Variants in ADAM18 observed in about 807,000 individuals in gnomAD.
ADAM18 encodes the protein disintegrin and metalloproteinase domain-containing protein 18.
Under a neutral mutation model 94.4 loss-of-function variants are expected in ADAM18, and 117 were observed. The observed-to-expected ratio is 1.24, with a 90% confidence interval of 1.07 to 1.45. The LOEUF (loss-of-function observed/expected upper bound fraction) is 1.45, where lower values mean the gene tolerates loss of function less well. ADAM18 is among the 40% of genes most tolerant of loss of function. The probability of loss-of-function intolerance (pLI) is 0.00; values close to 1 mark genes in which losing one functional copy is unlikely to be tolerated. For missense variants in ADAM18, 936 were observed against 880.0 expected (o/e 1.06, Z -0.81); for synonymous variants, 327 against 291.6 (o/e 1.12, Z -1.24).
At chr8:39,622,265 T>C (rs888076593) in intron 6 of ADAM18, among the ~76,000 whole-genome samples, 6 of 149,656 alleles carry the variant, frequency 4.0e-5, no homozygotes, top group African/African-American at 1.5e-4. Context: ...AGTAAAATTA[T>C]ATGTAATATA....
intron 19 of ADAM18, 99 bp downstream of exon 19, chr8:39,724,006 A>G: frequency 1.3e-6 from 1 of 767,328 alleles, no homozygotes; most frequent in Non-Finnish European, 1.8e-6. Context: ...ATTCTTAAAT[A>G]TACTATTTTA....
At chr8:39,715,272 A>G (rs769745191) in intron 18 of ADAM18, among the ~76,000 whole-genome samples, 3 of 152,060 alleles carry the variant, frequency 2.0e-5, no homozygotes, top group Non-Finnish European at 4.4e-5. Flanking sequence ...ATAATTTTGA[A>G]CTAAATAAAA....
chr8:39,652,163 A>G (rs1418167283), intron 12 of ADAM18, among the ~76,000 whole-genome samples: 1 of 152,172 alleles, frequency 6.6e-6, no homozygotes, highest in Non-Finnish European at 1.5e-5. Flanking sequence ...ATATGACACC[A>G]AAAACACAGA....
chr8:39,676,963 G>A (rs953480107), intron 14 of ADAM18, among the ~76,000 whole-genome samples: 1 of 152,184 alleles, frequency 6.6e-6, no homozygotes, highest in East Asian at 1.9e-4. Flanking sequence ...CAATCCATCA[G>A]TGATTTTATA....
At chr8:39,693,875 A>G (rs756510064) in intron 17 of ADAM18, among the ~76,000 whole-genome samples, 3 of 151,350 alleles carry the variant, frequency 2.0e-5, no homozygotes, top group Non-Finnish European at 4.5e-5. Flanking sequence ...AAATTTGCAT[A>G]GACTTTCTAA....
In ADAM18 at chr8:39,606,373, A is replaced by AT. The variant is rs532865669; in HGVS notation, c.188+20dup. On this transcript the variant is annotated intron_variant, in intron 3 of 19. Coordinates refer to ENST00000265707, the MANE Select transcript of ADAM18 (RefSeq NM_014237.3). ...ACATCTCGGAAAACAGTAAGATATG[A>AT]TTTTTTTTTCATTAAGGAAAAGGGA... The AT allele has an allele frequency of 6.9e-4, 1,041 of 1,508,324 alleles. No homozygotes were observed. The highest frequency in any genetic ancestry group is 1.3e-3 in the South Asian group (103 of 80,058). 93.4% of individuals were successfully genotyped at this position (1,508,324 alleles called of 1,614,324 possible). A position where few individuals can be genotyped will look rare whatever the true frequency, so the allele number is the denominator to read the frequency against.
At chr8:39,705,025 T>A (rs936426459) in intron 17 of ADAM18, among the ~76,000 whole-genome samples, 2 of 152,140 alleles carry the variant, frequency 1.3e-5, no homozygotes, top group Admixed American at 6.6e-5. Context: ...GCAAAAATGA[T>A]GGTCTTCCAT....
intron 2 of ADAM18, among the ~76,000 whole-genome samples, chr8:39,592,816 C>T (rs1468726375): frequency 1.3e-5 from 2 of 152,152 alleles, no homozygotes; most frequent in African/African-American, 4.8e-5. Context: ...ACGTGTACCC[C>T]TGAATCTAAA....
At chr8:39,667,898 AT>A in intron 13 of ADAM18, 99 bp from the exon 14 acceptor site, 1 of 1,241,578 alleles carries the variant, frequency 8.1e-7, no homozygotes, top group Non-Finnish European at 1.1e-6. Context: ...GTTCCCTCAA[AT>A]ATCAATAATT....
intron 13 of ADAM18, 147 bp from the exon 14 acceptor site, chr8:39,667,850 AT>A (rs894199514): frequency 3.0e-5 from 22 of 724,728 alleles, no homozygotes; most frequent in South Asian, 5.7e-5. Flanking sequence ...ACTGTATTTG[AT>A]TTTTTTTGGC....
At position 39,644,710 on chromosome 8, in the gene ADAM18, G is replaced by A. The variant is rs143291092; in HGVS notation, c.910-628G>A. On this transcript the variant is annotated intron_variant, in intron 10 of 19. Transcript: ENST00000265707. ...CCAGCCCCCTATACGTATACATAAT[G>A]TTGGGTCATTTCCCATACTTTGTAT... 1.2e-4 allele frequency among the ~76,000 whole-genome samples: 18 copies of A among 152,204 alleles called. No homozygotes were observed. The East Asian group carries it at 3.5e-3, about 29-fold the overall frequency.
chr8:39,623,591 T>G (rs1430763720), intron 6 of ADAM18, among the ~76,000 whole-genome samples: 2 of 151,932 alleles, frequency 1.3e-5, no homozygotes, highest in Non-Finnish European at 2.9e-5. Context: ...TTTGTTTTTT[T>G]GTTTTTGTTT....
At chr8:39,660,754 T>C (rs1820812469) in intron 12 of ADAM18, among the ~76,000 whole-genome samples, 3 of 152,224 alleles carry the variant, frequency 2.0e-5, no homozygotes, top group Admixed American at 1.3e-4. Flanking sequence ...ATTCCAGTCC[T>C]GTAATTAGGA....
At chr8:39,684,778 A>G (rs1253648368) in intron 16 of ADAM18, among the ~76,000 whole-genome samples, 1 of 152,218 alleles carries the variant, frequency 6.6e-6, no homozygotes, top group Non-Finnish European at 1.5e-5. Flanking sequence ...GTAAAAGTTA[A>G]TAAGCAGAAG....
At chr8:39,720,147 A>G (rs1461749213) in intron 18 of ADAM18, among the ~76,000 whole-genome samples, 1 of 151,582 alleles carries the variant, frequency 6.6e-6, no homozygotes, top group African/African-American at 2.4e-5. Flanking sequence ...AACTGTTGTT[A>G]TATACACCAA....
At chr8:39,622,804 A>G (rs776487421) in intron 6 of ADAM18, among the ~76,000 whole-genome samples, 32 of 152,190 alleles carry the variant, frequency 2.1e-4, no homozygotes, top group Non-Finnish European at 3.8e-4. Flanking sequence ...GGAGTCATAC[A>G]CAACACACAC....
chr8:39,610,872 G>T, intron 6 of ADAM18, 166 bp downstream of exon 6: 1 of 1,265,122 alleles, frequency 7.9e-7, no homozygotes, highest in South Asian at 2.6e-5. Flanking sequence ...TATTTGGAAA[G>T]TTACATATTT....
At chr8:39,699,305 T>C (rs1822003294) in intron 17 of ADAM18, among the ~76,000 whole-genome samples, 1 of 152,130 alleles carries the variant, frequency 6.6e-6, no homozygotes, top group Non-Finnish European at 1.5e-5. Flanking sequence ...TCATGGAAGC[T>C]TCCAATATTT....
chr8:39,659,986 G>A (rs1326229813), intron 12 of ADAM18, among the ~76,000 whole-genome samples: 2 of 152,088 alleles, frequency 1.3e-5, no homozygotes, highest in Non-Finnish European at 1.5e-5. Context: ...GGGGAGAGGT[G>A]AAGTCTTGAG....
Sources: gnomAD v4.1 joint callset for allele counts (sites outside exome capture counted in the v4.1 genomes callset) on GRCh38, gnomAD v4.1.1 for gene constraint, MANE v1.5 for transcripts, NCBI Gene and HGNC (gene_info 2026-07-23, HGNC 2026-07-21) for gene names.